Variants in PSME4 observed in about 807,000 individuals in gnomAD.
PSME4 encodes the protein proteasome activator subunit 4.
In PSME4, 89 loss-of-function variants were observed where a neutral mutation model predicts 253.9. The observed-to-expected ratio is 0.35, with a 90% CI of 0.30 to 0.42. The LOEUF is 0.42. PSME4 is among the 10% of genes least tolerant of loss of function. PSME4 has a pLI of 1.00. For synonymous variants in PSME4, 851 were observed against 759.2 expected, an observed-to-expected ratio of 1.12 and a Z score of -1.99; for missense variants, 2,014 against 2,195.2, an observed-to-expected ratio of 0.92 and a Z score of 1.65.
chr2:53,896,242 C>G (rs1262640553), intron 32 of PSME4, among the ~76,000 whole-genome samples: 1 of 152,074 alleles, frequency 6.6e-6, no homozygotes, highest in Non-Finnish European at 1.5e-5. Flanking sequence ...ATTATTTCAT[C>G]AACAGACTTT....
At chr2:53,887,709 T>C in intron 39 of PSME4, 149 bp downstream of exon 39, 3 of 1,131,260 alleles carry the variant, frequency 2.7e-6, no homozygotes, top group Non-Finnish European at 3.7e-6. Flanking sequence ...GTGTTTCATC[T>C]TGTTTCCCAC....
intron 38 of PSME4, 173 bp from the exon 39 acceptor site, chr2:53,888,162 A>T: frequency 1.8e-6 from 1 of 548,878 alleles, no homozygotes; most frequent in Non-Finnish European, 2.8e-6. Context: ...TATTTTTCCT[A>T]TATCATTTTC....
rs188359144 is a variant in PSME4, at chr2:53,874,505, C to T, written c.4945-11G>A. ...ACTGCTTCTTGCTGTCTGTGAATGA[C>T]AAATAAATATAAACGATAAAGCAGT... is the stretch of plus-strand genomic sequence containing the variant. On this transcript the variant is annotated splice_polypyrimidine_tract_variant and intron_variant, in intron 42 of 46. Transcript: ENST00000404125. 7.1e-4 allele frequency: 1,142 copies of T among 1,612,182 alleles called. 2 individuals carry two copies. The highest frequency in any genetic ancestry group is 1.2e-3 in the South Asian group (107 of 90,666).
intron 20 of PSME4, among the ~76,000 whole-genome samples, chr2:53,918,857 C>G (rs1263494097): frequency 6.6e-6 from 1 of 152,002 alleles, no homozygotes; most frequent in Non-Finnish European, 1.5e-5. Context: ...TTTAAAAGAA[C>G]AGCATTTATC....
intron 26 of PSME4, among the ~76,000 whole-genome samples, chr2:53,906,375 G>A (rs1182662913): frequency 6.6e-6 from 1 of 152,168 alleles, no homozygotes; most frequent in East Asian, 1.9e-4. Context: ...TTTGCAATTT[G>A]AAAGCTGTTT....
intron 34 of PSME4, among the ~76,000 whole-genome samples, 197 bp downstream of exon 34, chr2:53,894,810 A>C (rs1573231689): frequency 6.6e-6 from 1 of 152,232 alleles, no homozygotes; most frequent in African/African-American, 2.4e-5. Flanking sequence ...AGATACATCA[A>C]CATCTATGTC....
At chr2:53,920,862 G>T in intron 18 of PSME4, 27 bp downstream of exon 18, 1 of 1,530,316 alleles carries the variant, frequency 6.5e-7, no homozygotes, top group Non-Finnish European at 9.0e-7. Flanking sequence ...ACATATTCTT[G>T]AATCCTAAAG....
chr2:53,945,716 TAAC>T (rs1388763405), intron 3 of PSME4, among the ~76,000 whole-genome samples: 1 of 152,206 alleles, frequency 6.6e-6, no homozygotes, highest in Non-Finnish European at 1.5e-5. Context: ...GAAAGACAGT[TAAC>T]AAATTAAGCA....
chr2:53,875,738 AT>A lies in PSME4; in HGVS notation c.4832del (p.Asn1611MetfsTer8). 1 of 1,612,492 alleles carries A rather than the reference AT, an allele frequency of 6.2e-7. No individual in the cohort carries two copies. The highest frequency in any genetic ancestry group is 1.1e-5 in the South Asian group (1 of 90,620). ...TTTTCAGTTCATCGTAGCTATTGTCATTTTCCACTGGGGCAATCTAAAAAAC... is the reference window on the plus strand; with the variant it reads ...TTTTCAGTTCATCGTAGCTATTGTCATTTCCACTGGGGCAATCTAAAAAAC... ...PLFFKIAPVENDNSYDELKRD... is the reference protein window; with the variant it reads ...PLFFKIAPVEXDNSYDELKRD... On this transcript the variant is annotated frameshift_variant, in exon 42 of 47. Coordinates refer to ENST00000404125, the MANE Select transcript of PSME4 (RefSeq NM_014614.3). LOFTEE classifies it high-confidence loss of function.
chr2:53,969,694 T>G (rs1040871356), intron 1 of PSME4, among the ~76,000 whole-genome samples: 3 of 151,820 alleles, frequency 2.0e-5, no homozygotes, highest in Non-Finnish European at 4.4e-5. Flanking sequence ...CTCGTTTTTT[T>G]TTTTTTTTTC....
intron 35 of PSME4, among the ~76,000 whole-genome samples, chr2:53,893,329 C>T (rs1479037367): frequency 6.6e-6 from 1 of 152,022 alleles, no homozygotes; most frequent in Non-Finnish European, 1.5e-5. Context: ...TCAAGATCCC[C>T]ACCCCAAAAT....
In PSME4 at chr2:53,899,911, C is replaced by T. The variant is rs753202778; in HGVS notation, c.3392G>A (p.Arg1131His). 1.9e-5 allele frequency: 30 copies of T among 1,613,332 alleles called. No homozygotes were observed. Among genetic ancestry groups the T allele is most frequent in the Admixed American group, 1.7e-5 (1 of 59,956 alleles). ...GGCATCGGCATTCTTTTCCTGTTGG[C>T]GTTTAATTCCTTCCTTAATTTTTTC... Reference protein sequence around the residue: ...SPEKIKEGIKRQQEKNADALR... With the variant: ...SPEKIKEGIKHQQEKNADALR... Residue 1131 changes from arginine (R) to histidine (H), a missense_variant, in exon 29 of 47, where the codon CGC becomes CAC. Arg to His is a conservative substitution (Grantham distance 29). Coordinates refer to ENST00000404125, the MANE Select transcript of PSME4 (RefSeq NM_014614.3).
chr2:53,875,258 T>C (rs1344750256), intron 42 of PSME4, among the ~76,000 whole-genome samples: 1 of 152,070 alleles, frequency 6.6e-6, no homozygotes, highest in Non-Finnish European at 1.5e-5. Context: ...AGGCAGAAAA[T>C]GTACAGTCAG....
At chr2:53,944,794 C>G (rs1033780462) in intron 3 of PSME4, among the ~76,000 whole-genome samples, 1 of 152,060 alleles carries the variant, frequency 6.6e-6, no homozygotes, top group Non-Finnish European at 1.5e-5. Context: ...AAGGATTTAA[C>G]TGTATCTTAA....
intron 20 of PSME4, 124 bp from the exon 21 acceptor site, chr2:53,910,254 T>G (rs1315754902): frequency 4.0e-6 from 3 of 748,538 alleles, no homozygotes; most frequent in East Asian, 5.0e-5. Context: ...AGACACAGAT[T>G]TCCCATCTTC....
chr2:53,874,549 T>A, intron 42 of PSME4, 55 bp from the exon 43 acceptor site: 1 of 1,454,454 alleles, frequency 6.9e-7, no homozygotes, highest in Non-Finnish European at 9.5e-7. Flanking sequence ...GAACATGAGA[T>A]GACAGATAGT....
intron 36 of PSME4, among the ~76,000 whole-genome samples, chr2:53,890,805 A>T (rs1472691690): frequency 6.6e-6 from 1 of 152,180 alleles, no homozygotes; most frequent in Non-Finnish European, 1.5e-5. Flanking sequence ...AGGCAGGAGG[A>T]TCACTTGAAA....
intron 1 of PSME4, among the ~76,000 whole-genome samples, chr2:53,959,206 T>C (rs893131815): frequency 6.6e-6 from 1 of 152,088 alleles, no homozygotes; most frequent in African/African-American, 2.4e-5. Context: ...ATTTTTTATT[T>C]ATTAATTATT....
intron 28 of PSME4, 122 bp downstream of exon 28, chr2:53,901,227 TA>T: frequency 2.2e-6 from 2 of 908,860 alleles, no homozygotes; most frequent in Admixed American, 2.6e-5. Context: ...AACGCTTTTT[TA>T]AAAAAACACT....
Sources: allele counts gnomAD v4.1 joint callset (sites outside exome capture counted in the v4.1 genomes callset), GRCh38; gene constraint gnomAD v4.1.1; transcripts MANE v1.5; gene names NCBI Gene and HGNC (gene_info 2026-07-23, HGNC 2026-07-21).